Variants in DST observed in about 807,000 individuals in gnomAD.
The protein encoded by DST is dystonin, also known as bullous pemphigoid antigen.
In DST, 253 loss-of-function variants were observed where a neutral mutation model predicts 875.2. That is an observed-to-expected ratio of 0.29 (90% CI 0.26 to 0.32). The LOEUF is 0.32. DST is among the 10% of genes least tolerant of loss of function. The probability of loss-of-function intolerance (pLI) is 1.00; values close to 1 mark genes in which losing one functional copy is unlikely to be tolerated. For missense variants in DST, 8,287 were observed against 9,111.6 expected, an observed-to-expected ratio of 0.91 and a Z score of 3.68; for synonymous variants, 3,124 against 3,197.1, an observed-to-expected ratio of 0.98 and a Z score of 0.77.
chr6:56,600,360 G>A, intron 44 of DST, 139 bp from the exon 45 acceptor site: 2 of 737,094 alleles, frequency 2.7e-6, no homozygotes, highest in Non-Finnish European at 4.4e-6. Context: ...GATAGCAGTA[G>A]GGTACAAACT....
chr6:56,565,248 G>A (rs765608814), intron 55 of DST, among the ~76,000 whole-genome samples: 1 of 151,260 alleles, frequency 6.6e-6, no homozygotes, highest in Non-Finnish European at 1.5e-5. Flanking sequence ...AACCTCCTGA[G>A]TAGCTGGGAC....
Position 56,863,035 on chromosome 6 carries a change from A to C in DST, c.418-11431T>G, listed in dbSNP as rs563561348. On this transcript the variant is annotated intron_variant, in intron 3 of 103. Coordinates refer to ENST00000680361, the MANE Select transcript of DST (RefSeq NM_001374736.1). ...TAAGATACAAGGCTGGCTAGACACC[A>C]ACTTCCAAGAGACCTGCATTTTCTT... 2.0e-5 allele frequency: 3 copies of C among 152,382 alleles called. No individual in the cohort carries two copies. In the South Asian group the frequency reaches 6.2e-4, roughly 32 times the overall value. The allele number at this position is 152,382 out of a possible 1,614,324, so 9.4% of individuals were successfully genotyped here.
At chr6:56,480,642 T>A (rs898033561) in intron 90 of DST, among the ~76,000 whole-genome samples, 2 of 152,252 alleles carry the variant, frequency 1.3e-5, no homozygotes, top group Non-Finnish European at 2.9e-5. Context: ...ATAGTGTTAC[T>A]GCAAAATATT....
At chr6:56,552,107 T>C in intron 61 of DST, 77 bp downstream of exon 61, 1 of 1,443,874 alleles carries the variant, frequency 6.9e-7, no homozygotes, top group South Asian at 1.4e-5. Flanking sequence ...TTCTACAAAA[T>C]AGGCAATCTC....
chr6:56,824,789 G>A (rs2099777805), intron 4 of DST, among the ~76,000 whole-genome samples: 1 of 152,092 alleles, frequency 6.6e-6, no homozygotes, highest in Non-Finnish European at 1.5e-5. Context: ...CGTCTGAGAA[G>A]TGAGGAGCCC....
chr6:56,743,488 A>G (rs571880972), intron 4 of DST, among the ~76,000 whole-genome samples: 1 of 152,238 alleles, frequency 6.6e-6, no homozygotes, highest in African/African-American at 2.4e-5. Context: ...TTCTCTTCCT[A>G]TCTCTCCTTT....
At chr6:56,772,267 A>T (rs1343945506) in intron 4 of DST, among the ~76,000 whole-genome samples, 2 of 152,234 alleles carry the variant, frequency 1.3e-5, no homozygotes, top group African/African-American at 4.8e-5. Flanking sequence ...GCAATATAAC[A>T]TCTAAATTAT....
rs116159394 is a variant in DST, at chr6:56,483,277, T to C, written c.21208-400A>G. ...TCAAATCACTAGTGTGAATGTCAAG[T>C]GGATGCTGGCTTTGGCACTACTCTA... On this transcript the variant is annotated intron_variant, in intron 88 of 103. Transcript: ENST00000680361. Among the ~76,000 whole-genome samples, 1,190 of 152,298 alleles carry C rather than the reference T, an allele frequency of 7.8e-3. 17 individuals are homozygous for C. The highest frequency in any genetic ancestry group is 0.027 in the African/African-American group (1,121 of 41,570).
chr6:56,517,532 T>G lies in DST; in HGVS notation c.18218A>C (p.Asp6073Ala). ...MSLGDIRLEQDQTSAQLQVQK... is the reference protein window; with the variant it reads ...MSLGDIRLEQAQTSAQLQVQK... ...AACTTGAAGCTGAGCAGAAGTCTGGTCTTGCTCAAGCCTGATGTCACCCAG... is the reference window on the plus strand; with the variant it reads ...AACTTGAAGCTGAGCAGAAGTCTGGGCTTGCTCAAGCCTGATGTCACCCAG... The change falls in exon 70 of 104, where the codon GAC becomes GCC. Residue 6073 changes from aspartate (D) to alanine (A), a missense_variant. Asp to Ala is a moderately radical substitution (Grantham distance 126). Transcript: ENST00000680361. 6.2e-7 allele frequency: 1 copy of G among 1,613,184 alleles called. No individual in the cohort carries two copies. Among genetic ancestry groups the G allele is most frequent in the Non-Finnish European group, 8.5e-7 (1 of 1,179,538 alleles).
intron 60 of DST, 52 bp downstream of exon 60, chr6:56,555,293 T>C: frequency 6.6e-7 from 1 of 1,518,644 alleles, no homozygotes; most frequent in Non-Finnish European, 8.8e-7. Context: ...AAATAGGCAA[T>C]ATATGACATT....
intron 3 of DST, among the ~76,000 whole-genome samples, chr6:56,881,076 C>T (rs1297624871): frequency 6.6e-6 from 1 of 151,778 alleles, no homozygotes; most frequent in Non-Finnish European, 1.5e-5. Context: ...GTCTCGATCT[C>T]CTGACCTCAT....
chr6:56,485,149 C>T, intron 88 of DST, 163 bp downstream of exon 88: 2 of 700,272 alleles, frequency 2.9e-6, no homozygotes, highest in Non-Finnish European at 4.5e-6. Context: ...TTAAAGTTTG[C>T]TTCCAGGTTC....
chr6:56,808,170 C>T (rs2099755413), intron 4 of DST, among the ~76,000 whole-genome samples: 1 of 152,084 alleles, frequency 6.6e-6, no homozygotes, highest in Admixed American at 6.6e-5. Flanking sequence ...AGTAACACCC[C>T]ATGACTTCTG....
rs529604417 is a variant in DST, at chr6:56,726,255, C to T, written c.687+8973G>A. On this transcript the variant is annotated intron_variant, in intron 5 of 103. Transcript: ENST00000680361. ...CCTCTCTGATTACAGGTTTCATTTCCTTTGCTATTTGTCTTTCTCTGTCAG... is the reference window on the plus strand; with the variant it reads ...CCTCTCTGATTACAGGTTTCATTTCTTTTGCTATTTGTCTTTCTCTGTCAG... 3.9e-5 allele frequency among the ~76,000 whole-genome samples: 6 copies of T among 152,278 alleles called. No individual in the cohort carries two copies. The South Asian group carries it at 1.2e-3, about 32-fold the overall frequency.
chr6:56,476,876 T>C (rs530981587), intron 91 of DST, among the ~76,000 whole-genome samples: 9 of 151,936 alleles, frequency 5.9e-5, no homozygotes, highest in Admixed American at 5.2e-4. Context: ...TGCTTGAACC[T>C]AGGAGGCAGA....
intron 51 of DST, among the ~76,000 whole-genome samples, chr6:56,573,446 C>T (rs2097808624): frequency 6.6e-6 from 1 of 152,154 alleles, no homozygotes; most frequent in Admixed American, 6.6e-5. Context: ...TATGCATAAG[C>T]CCTCTATAAT....
chr6:56,460,402 ATGGGGT>A, intron 102 of DST, 148 bp from the exon 103 acceptor site: 1 of 655,438 alleles, frequency 1.5e-6, no homozygotes, highest in Non-Finnish European at 2.4e-6. Flanking sequence ...TAAATAAGGC[ATGGGGT>A]TCTCACTTGA....
At chr6:56,790,072 G>C (rs758652797) in intron 4 of DST, among the ~76,000 whole-genome samples, 14 of 152,036 alleles carry the variant, frequency 9.2e-5, no homozygotes, top group Non-Finnish European at 1.9e-4. Flanking sequence ...TGCCTAGACT[G>C]CTCCCAGGTT....
rs779206504 is a variant in DST, at chr6:56,608,872, T to A, written c.5756A>T (p.Asp1919Val). Reference protein sequence around the residue: ...KVLERQNMCKDLIDPCTSEKV... With the variant: ...KVLERQNMCKVLIDPCTSEKV... ...CTCAGAGGTGCAGGGGTCAATAAGA[T>A]CTTTGCACATATTTTGCCTTTCCAG... is the stretch of plus-strand genomic sequence containing the variant. The change falls in exon 40 of 104, where the codon GAT (aspartate) becomes GTT (valine). Residue 1919 changes from aspartate (D) to valine (V), a missense_variant. By Grantham distance (152) the Asp-to-Val change is radical. Coordinates refer to ENST00000680361, the MANE Select transcript of DST (RefSeq NM_001374736.1). 3 of 1,613,498 alleles carry A rather than the reference T, an allele frequency of 1.9e-6. No individual in the cohort carries two copies. Among genetic ancestry groups the A allele is most frequent in the South Asian group, 2.2e-5 (2 of 91,082 alleles).
Sources: gnomAD v4.1 joint callset for allele counts (sites outside exome capture counted in the v4.1 genomes callset) on GRCh38, gnomAD v4.1.1 for gene constraint, MANE v1.5 for transcripts, NCBI Gene and HGNC (gene_info 2026-07-23, HGNC 2026-07-21) for gene names.